SCML2: variants seen among roughly 807,000 people sequenced by gnomAD.
SCML2 encodes sex comb on midleg-like protein 2.
SCML2 carries 6 observed loss-of-function variants against 48.4 expected under a neutral mutation model. The observed-to-expected ratio is 0.12, with a 90% CI of 0.07 to 0.24. SCML2 has a LOEUF of 0.24. Ranked by LOEUF, SCML2 falls within the 10% of genes least tolerant of loss-of-function variation. The pLI is 1.00. For missense variants in SCML2, 377 were observed against 528.2 expected (o/e 0.71, Z 2.81); for synonymous variants, 181 against 189.5 (o/e 0.95, Z 0.37).
chrX:18,254,617 C>T (rs1316776791), intron 11 of SCML2, among the ~76,000 whole-genome samples: 1 of 111,781 alleles, frequency 8.9e-6, no homozygotes, highest in Admixed American at 9.5e-5. Context: ...ATTCTTAATG[C>T]TTTGTGTAAG....
rs1459980889 is a variant in SCML2 at position 18,246,762 on chromosome X, C to A, written c.1637G>T (p.Ser546Ile). ...ATAATTTCCTGAATTTAGTGATGAGCTCTTAGAATCTTCTGAAAGATTCTC... is the reference window on the plus strand; with the variant it reads ...ATAATTTCCTGAATTTAGTGATGAGATCTTAGAATCTTCTGAAAGATTCTC... ...KEENLSEDSK[S>I]SSLNSGNYLN... The change falls in exon 13 of 15, where the codon AGC (serine) becomes ATC (isoleucine). Residue 546 changes from serine to isoleucine, a missense_variant. Ser to Ile is a moderately radical substitution (Grantham distance 142). This residue lies in a region of SCML2 where 299 missense variants were observed against 425.5 expected (regional missense o/e 0.70). Coordinates refer to ENST00000251900, the MANE Select transcript of SCML2 (RefSeq NM_006089.3). The A allele has an allele frequency of 8.3e-7, 1 of 1,204,006 alleles. No homozygotes were observed.
In SCML2 at chrX:18,338,920, A is replaced by T. The variant is rs74894300; in HGVS notation, c.-24-4825T>A. Among the ~76,000 whole-genome samples, 12 of 83,671 alleles carry T rather than the reference A, an allele frequency of 1.4e-4. No homozygotes were observed. The South Asian group carries it at 4.5e-3, about 31-fold the overall frequency. The allele number at this position is 83,671 out of a possible 115,157, so 72.7% of individuals were successfully genotyped here. A position where few individuals can be genotyped will look rare whatever the true frequency, so the allele number is the denominator to read the frequency against. ...CAGTGTGTGGTGACCCTGTCTCATT[A>T]AAAAAAAAAAAAAAGAAAGAAAAGA... On this transcript the variant is annotated intron_variant, in intron 1 of 14. Coordinates refer to ENST00000251900, the MANE Select transcript of SCML2 (RefSeq NM_006089.3).
chrX:18,320,321 A>G lies in SCML2; in HGVS notation c.486+11T>C. ...TAAAAACATGGCAGCTTTTTATAACATCTTTCTTACCTTCTTAAATAATGT... is the reference window on the plus strand; with the variant it reads ...TAAAAACATGGCAGCTTTTTATAACGTCTTTCTTACCTTCTTAAATAATGT... On this transcript the variant is annotated intron_variant, in intron 6 of 14. Transcript: ENST00000251900. The G allele has an allele frequency of 5.6e-6, 6 of 1,066,522 alleles. No homozygotes were observed. The highest frequency in any genetic ancestry group is 7.6e-6 in the Non-Finnish European group (6 of 787,853). 87.9% of individuals were successfully genotyped at this position (1,066,522 alleles called of 1,213,427 possible).
chrX:18,299,474 C>T (rs1002733787), intron 7 of SCML2, among the ~76,000 whole-genome samples: 5 of 109,565 alleles, frequency 4.6e-5, no homozygotes, highest in East Asian at 2.9e-4. Context: ...GCTGAGATCG[C>T]GCCACTGCAC....
intron 6 of SCML2, among the ~76,000 whole-genome samples, chrX:18,318,977 A>G (rs987753336): frequency 8.9e-6 from 1 of 112,244 alleles, no homozygotes; most frequent in Non-Finnish European, 1.9e-5. Context: ...TTATTAGGGT[A>G]GGCCCTAATC....
At chrX:18,252,954 T>C (rs905839732) in intron 11 of SCML2, among the ~76,000 whole-genome samples, 1 of 111,986 alleles carries the variant, frequency 8.9e-6, no homozygotes, top group Non-Finnish European at 1.9e-5. Context: ...TCTCACAGTC[T>C]CATGATGCTT....
intron 1 of SCML2, among the ~76,000 whole-genome samples, chrX:18,353,350 A>G (rs978739280): frequency 8.9e-6 from 1 of 112,420 alleles, no homozygotes; most frequent in Non-Finnish European, 1.9e-5. Context: ...TAAATGTTGT[A>G]CATCTTAAAA....
intron 3 of SCML2, among the ~76,000 whole-genome samples, chrX:18,329,770 T>A (rs1054206745): frequency 8.9e-6 from 1 of 112,549 alleles, no homozygotes; most frequent in Non-Finnish European, 1.9e-5. Flanking sequence ...ACTATCATTA[T>A]CCCTGTGTTA....
At chrX:18,262,526 A>G (rs1358987547) in intron 8 of SCML2, among the ~76,000 whole-genome samples, 2 of 106,973 alleles carry the variant, frequency 1.9e-5, no homozygotes, top group Non-Finnish European at 3.8e-5. Flanking sequence ...TTTTTAGTAG[A>G]AATGGGGTTT....
Position 18,265,818 on chromosome X carries a change from C to A in SCML2, c.731-16G>T. On this transcript the variant is annotated splice_polypyrimidine_tract_variant and intron_variant, in intron 7 of 14. Transcript: ENST00000251900. ...ACAATAGGAACTGAGGAAAAAAATA[C>A]AAAAAATATTAAAGTAAATGACACA... The A allele has an allele frequency of 1.8e-6, 2 of 1,107,983 alleles. No homozygotes were observed. 91.3% of individuals were successfully genotyped at this position (1,107,983 alleles called of 1,213,427 possible).
At chrX:18,242,348 C>T (rs928226382) in intron 14 of SCML2, 91 bp downstream of exon 14, 25 of 963,491 alleles carry the variant, frequency 2.6e-5, no homozygotes, top group Non-Finnish European at 3.0e-5. Context: ...ATAGGGTTCC[C>T]CCACCATCCA....
In SCML2 at chrX:18,339,571, G is replaced by A. The variant is rs150376221; in HGVS notation, c.-24-5476C>T. ...GAAAAATAAAATAAAATAATTAGCCGGGCGTGGTACAGCACACCTACAGTC... is the reference window on the plus strand; with the variant it reads ...GAAAAATAAAATAAAATAATTAGCCAGGCGTGGTACAGCACACCTACAGTC... On this transcript the variant is annotated intron_variant, in intron 1 of 14. Transcript: ENST00000251900. Among the ~76,000 whole-genome samples, 260 of 110,851 alleles carry A rather than the reference G, an allele frequency of 2.3e-3. 2 individuals are homozygous for A. The highest frequency in any genetic ancestry group is 0.02 in the East Asian group (72 of 3,525).
At chrX:18,328,507 C>CA (rs942396909) in intron 3 of SCML2, among the ~76,000 whole-genome samples, 3 of 110,835 alleles carry the variant, frequency 2.7e-5, no homozygotes, top group African/African-American at 9.8e-5. Flanking sequence ...CCCGTCTCTA[C>CA]AAAAAATTGT....
At chrX:18,309,165 C>G (rs1007518082) in intron 6 of SCML2, among the ~76,000 whole-genome samples, 1 of 97,963 alleles carries the variant, frequency 1.0e-5, no homozygotes, top group Non-Finnish European at 2.0e-5. Flanking sequence ...TGGGCCACTG[C>G]ACTTCAGCCT....
At chrX:18,300,487 T>G (rs1602117431) in intron 7 of SCML2, among the ~76,000 whole-genome samples, 1 of 104,493 alleles carries the variant, frequency 9.6e-6, no homozygotes, top group East Asian at 3.1e-4. Flanking sequence ...AAGCAGACGT[T>G]AAGGTTAAAA....
rs1926248502 is a variant in SCML2, at chrX:18,241,057, G to A, written c.*194C>T. On this transcript the variant is annotated 3_prime_UTR_variant, in exon 15 of 15. Coordinates refer to ENST00000251900, the MANE Select transcript of SCML2 (RefSeq NM_006089.3). ...GAAGTAGACTGGGGGAGTGGCGGCT[G>A]TGTCTCCCAAAGCTGGTTGGTGACT... is the stretch of plus-strand genomic sequence containing the variant. 1 of 267,131 alleles carries A rather than the reference G, an allele frequency of 3.7e-6. No individual in the cohort carries two copies. The highest frequency in any genetic ancestry group is 2.8e-5 in the African/African-American group (1 of 36,072). 22.0% of individuals were successfully genotyped at this position (267,131 alleles called of 1,213,427 possible). A position where few individuals can be genotyped will look rare whatever the true frequency, so the allele number is the denominator to read the frequency against.
At position 18,257,997 on chromosome X, in the gene SCML2, G is replaced by A. The variant is rs1926921305; in HGVS notation, c.1273+47C>T. The A allele has an allele frequency of 5.8e-6, 5 of 866,951 alleles. No homozygotes were observed. The Middle Eastern group carries it at 1.3e-3, about 233-fold the overall frequency. 71.4% of individuals were successfully genotyped at this position (866,951 alleles called of 1,213,427 possible). ...AGGGAAGGGGGAAGGGAAGGGGGAAGGGAAGGGGGAAGGGACTGAATTAGA... is the reference window on the plus strand; with the variant it reads ...AGGGAAGGGGGAAGGGAAGGGGGAAAGGAAGGGGGAAGGGACTGAATTAGA... On this transcript the variant is annotated intron_variant, in intron 10 of 14. Coordinates refer to ENST00000251900, the MANE Select transcript of SCML2 (RefSeq NM_006089.3).
chrX:18,299,385 G>C (rs1169480448), intron 7 of SCML2, among the ~76,000 whole-genome samples: 1 of 110,549 alleles, frequency 9.0e-6, no homozygotes, highest in East Asian at 2.8e-4. Context: ...AGGCATAGTG[G>C]CACACGCCTG....
intron 7 of SCML2, among the ~76,000 whole-genome samples, chrX:18,269,817 A>G (rs1001810109): frequency 4.5e-5 from 5 of 111,408 alleles, no homozygotes; most frequent in Non-Finnish European, 9.4e-5. Flanking sequence ...ATATAAAATA[A>G]GCAGTTAAAT....
Sources: gnomAD v4.1 joint callset for allele counts (sites outside exome capture counted in the v4.1 genomes callset) on GRCh38, gnomAD v4.1.1 for gene constraint, gnomAD v4.1.1 regional missense constraint, MANE v1.5 for transcripts, NCBI Gene and HGNC (gene_info 2026-07-23, HGNC 2026-07-21) for gene names.